The following GALNT17 variants were observed in gnomAD, a reference collection of about 807,000 sequenced individuals.
GALNT17 encodes polypeptide N-acetylgalactosaminyltransferase 17.
In GALNT17, 29 loss-of-function variants were observed where a neutral mutation model predicts 63.7. The observed-to-expected ratio is 0.46, with a 90% CI of 0.34 to 0.62. GALNT17 has a LOEUF of 0.62. Among genes scored for constraint, GALNT17 ranks in the 20% least tolerant of loss-of-function variants. GALNT17 has a pLI of 0.01. For synonymous variants in GALNT17, 305 were observed against 318.3 expected, an observed-to-expected ratio of 0.96 and a Z score of 0.45; for missense variants, 603 against 799.6, an observed-to-expected ratio of 0.75 and a Z score of 2.97.
chr7:71,198,775 C>T (rs978942940), intron 1 of GALNT17, among the ~76,000 whole-genome samples: 2 of 152,158 alleles, frequency 1.3e-5, no homozygotes, highest in Non-Finnish European at 2.9e-5. Context: ...TCTATGTTTT[C>T]TTATAAAGAG....
At chr7:71,637,788 A>G (rs1389661865) in intron 6 of GALNT17, among the ~76,000 whole-genome samples, 1 of 152,182 alleles carries the variant, frequency 6.6e-6, no homozygotes, top group African/African-American at 2.4e-5. Flanking sequence ...CATCTGGTGA[A>G]GTGAGCAGTG....
intron 5 of GALNT17, among the ~76,000 whole-genome samples, chr7:71,482,284 G>A (rs1278063510): frequency 6.6e-6 from 1 of 151,896 alleles, no homozygotes; most frequent in Admixed American, 6.6e-5. Flanking sequence ...AGAGTAGCTG[G>A]GATTACAGGC....
intron 2 of GALNT17, among the ~76,000 whole-genome samples, chr7:71,377,952 C>T (rs1792776195): frequency 6.6e-6 from 1 of 152,188 alleles, no homozygotes; most frequent in Admixed American, 6.5e-5. Flanking sequence ...AACCTCTTTC[C>T]TTTATAAATT....
At chr7:71,522,159 C>G (rs947814731) in intron 5 of GALNT17, among the ~76,000 whole-genome samples, 1 of 152,038 alleles carries the variant, frequency 6.6e-6, no homozygotes, top group Non-Finnish European at 1.5e-5. Context: ...GAAAACAGAC[C>G]GTGCTGGAAA....
intron 5 of GALNT17, among the ~76,000 whole-genome samples, chr7:71,452,740 C>T (rs1035581602): frequency 6.6e-6 from 1 of 152,170 alleles, no homozygotes; most frequent in Non-Finnish European, 1.5e-5. Flanking sequence ...ACTCTGTCTA[C>T]TTTCTAGTGC....
intron 5 of GALNT17, among the ~76,000 whole-genome samples, chr7:71,498,602 CA>C (rs1432202973): frequency 6.6e-6 from 1 of 152,120 alleles, no homozygotes; most frequent in Non-Finnish European, 1.5e-5. Flanking sequence ...ATGTCAGATT[CA>C]TGGGTTTGGG....
At chr7:71,543,884 A>C (rs1442553861) in intron 5 of GALNT17, among the ~76,000 whole-genome samples, 4 of 148,924 alleles carry the variant, frequency 2.7e-5, no homozygotes, top group Non-Finnish European at 5.9e-5. Flanking sequence ...CCTCTGCCTC[A>C]CAGATTCAAG....
At chr7:71,180,840 C>T (rs1169109121) in intron 1 of GALNT17, among the ~76,000 whole-genome samples, 2 of 152,122 alleles carry the variant, frequency 1.3e-5, no homozygotes, top group Non-Finnish European at 2.9e-5. Flanking sequence ...TGGGGAAGAA[C>T]AGAGGCCAAG....
rs375643206 is a variant in GALNT17 at position 71,493,219 on chromosome 7, A to G, written c.962+72114A>G. 1.4e-4 allele frequency among the ~76,000 whole-genome samples: 21 copies of G among 152,248 alleles called. 1 individual carries two copies. The highest frequency in any genetic ancestry group is 1.4e-3 in the East Asian group (7 of 5,158). ...CTCTCCTGGGTTTTTCCTCCAGGAC[A>G]GTGAGTGTAGGCATGGGCTCCTCTA... On this transcript the variant is annotated intron_variant, in intron 5 of 10. Coordinates refer to ENST00000333538, the MANE Select transcript of GALNT17 (RefSeq NM_022479.3).
intron 1 of GALNT17, among the ~76,000 whole-genome samples, chr7:71,200,265 G>T (rs942419494): frequency 1.4e-4 from 21 of 152,128 alleles, no homozygotes; most frequent in African/African-American, 5.1e-4. Flanking sequence ...CCGTGGCTTC[G>T]TGCAAGATGT....
At chr7:71,377,114 A>AAAAAAAAAAAAAAT in intron 2 of GALNT17, among the ~76,000 whole-genome samples, 4 of 57,486 alleles carry the variant, frequency 7.0e-5, no homozygotes, top group African/African-American at 9.4e-5. Context: ...AAATAAAAAA[A>AAAAAAAAAAAAAAT]ATATATATAT....
intron 5 of GALNT17, among the ~76,000 whole-genome samples, chr7:71,566,312 G>A (rs892244859): frequency 7.2e-5 from 11 of 152,104 alleles, no homozygotes; most frequent in African/African-American, 1.7e-4. Flanking sequence ...TGGCCTGGGC[G>A]CTTTCTGTGA....
At chr7:71,474,472 G>T (rs1199193381) in intron 5 of GALNT17, among the ~76,000 whole-genome samples, 1 of 152,126 alleles carries the variant, frequency 6.6e-6, no homozygotes, top group African/African-American at 2.4e-5. Context: ...TCACAGGCTT[G>T]TTGTGAGCAT....
At chr7:71,461,395 A>G (rs1174974778) in intron 5 of GALNT17, among the ~76,000 whole-genome samples, 2 of 152,202 alleles carry the variant, frequency 1.3e-5, no homozygotes, top group Non-Finnish European at 2.9e-5. Context: ...TTATTGACCT[A>G]CTGTACTTTG....
chr7:71,145,505 T>G (rs1788000228), intron 1 of GALNT17, among the ~76,000 whole-genome samples: 1 of 152,040 alleles, frequency 6.6e-6, no homozygotes, highest in Non-Finnish European at 1.5e-5. Context: ...TTCTAAAATT[T>G]ATAATCATCA....
chr7:71,255,795 T>C (rs17522014), intron 1 of GALNT17, among the ~76,000 whole-genome samples: 17,870 of 152,136 alleles, frequency 0.12, 1,216 homozygotes, highest in South Asian at 0.21. Context: ...GCATAGTGGC[T>C]GGCCGAGAGA....
chr7:71,536,925 G>GCC (rs1788811396), intron 5 of GALNT17, among the ~76,000 whole-genome samples: 1 of 152,130 alleles, frequency 6.6e-6, no homozygotes, highest in Admixed American at 6.6e-5. Flanking sequence ...CCCTTCCCCA[G>GCC]CCCCTGCACA....
intron 5 of GALNT17, among the ~76,000 whole-genome samples, chr7:71,491,182 G>A (rs183592935): frequency 1.7e-3 from 262 of 152,134 alleles, no homozygotes; most frequent in East Asian, 7.7e-3. Flanking sequence ...CAACAAGAGC[G>A]AAAATCCGTC....
chr7:71,708,771 C>A (rs117572446), intron 9 of GALNT17, among the ~76,000 whole-genome samples: 1 of 152,076 alleles, frequency 6.6e-6, no homozygotes, highest in South Asian at 2.1e-4. Context: ...TCCATGAGTA[C>A]CCAATATTTA....
Sources: gnomAD v4.1 joint callset for allele counts (sites outside exome capture counted in the v4.1 genomes callset) on GRCh38, gnomAD v4.1.1 for gene constraint, MANE v1.5 for transcripts, NCBI Gene and HGNC (gene_info 2026-07-23, HGNC 2026-07-21) for gene names.